The following TRAPPC9 variants were observed in gnomAD, a reference collection of about 807,000 sequenced individuals.
TRAPPC9 encodes IKK2 binding protein.
TRAPPC9 carries 83 observed loss-of-function variants against 124.0 expected under a neutral mutation model. The observed-to-expected ratio is 0.67, with a 90% CI of 0.56 to 0.80. The LOEUF is 0.80. TRAPPC9 is among the 30% of genes least tolerant of loss of function. The pLI, the probability that TRAPPC9 is intolerant of heterozygous loss-of-function variation, is 0.00. For synonymous variants in TRAPPC9, 638 were observed against 617.5 expected (o/e 1.03, Z -0.49); for missense variants, 1,302 against 1,508.3 (o/e 0.86, Z 2.27).
At chr8:140,042,205 A>ATGTG (rs57584807) in intron 17 of TRAPPC9, among the ~76,000 whole-genome samples, 303 of 149,612 alleles carry the variant, frequency 2.0e-3, no homozygotes, top group South Asian at 8.1e-3. Flanking sequence ...AAAAAAGTGT[A>ATGTG]TGTGTGTGTG....
At chr8:139,781,160 G>A (rs768085065) in intron 21 of TRAPPC9, among the ~76,000 whole-genome samples, 3 of 152,100 alleles carry the variant, frequency 2.0e-5, no homozygotes, top group African/African-American at 7.2e-5. Flanking sequence ...ACACTTCTCG[G>A]TATTTACCCA....
intron 19 of TRAPPC9, among the ~76,000 whole-genome samples, chr8:139,950,837 T>A (rs1462626268): frequency 6.6e-6 from 1 of 152,166 alleles, no homozygotes; most frequent in East Asian, 1.9e-4. Context: ...AACCAGTAAG[T>A]GAACACCAGC....
intron 19 of TRAPPC9, among the ~76,000 whole-genome samples, chr8:139,978,101 C>T (rs763344418): frequency 3.3e-5 from 5 of 152,186 alleles, no homozygotes; most frequent in Non-Finnish European, 5.9e-5. Flanking sequence ...TGGTCTCGAA[C>T]TCCTGGCTTC....
intron 21 of TRAPPC9, among the ~76,000 whole-genome samples, chr8:139,844,420 G>GATGAGGCTTT (rs1016386349): frequency 2.0e-4 from 31 of 152,350 alleles, no homozygotes; most frequent in Middle Eastern, 3.4e-3. Context: ...GAGAGAGAAG[G>GATGAGGCTTT]ATGAGGCTTT....
chr8:140,186,194 A>G (rs1266216191), intron 17 of TRAPPC9, among the ~76,000 whole-genome samples: 2 of 152,262 alleles, frequency 1.3e-5, no homozygotes, highest in Non-Finnish European at 2.9e-5. Flanking sequence ...AAAGAACCCC[A>G]TTAAAGAATT....
intron 9 of TRAPPC9, among the ~76,000 whole-genome samples, chr8:140,343,592 G>A (rs2067255995): frequency 6.6e-6 from 1 of 152,216 alleles, no homozygotes; most frequent in Non-Finnish European, 1.5e-5. Flanking sequence ...GGAGGGGAAA[G>A]AAGGGAGGCT....
At chr8:140,061,949 C>T (rs901149120) in intron 17 of TRAPPC9, among the ~76,000 whole-genome samples, 3 of 152,208 alleles carry the variant, frequency 2.0e-5, no homozygotes, top group South Asian at 2.1e-4. Context: ...CCACCTCCCA[C>T]GCATCTCCAC....
At chr8:139,903,130 G>C (rs1831125258) in intron 20 of TRAPPC9, among the ~76,000 whole-genome samples, 1 of 152,148 alleles carries the variant, frequency 6.6e-6, no homozygotes, top group African/African-American at 2.4e-5. Context: ...AAGGCCCCCT[G>C]TACTGAGATC....
chr8:140,167,995 T>C (rs897008450), intron 17 of TRAPPC9, among the ~76,000 whole-genome samples: 5 of 152,204 alleles, frequency 3.3e-5, no homozygotes, highest in Non-Finnish European at 5.9e-5. Flanking sequence ...GCAGCAACTG[T>C]ATGAAATGTG....
At chr8:140,092,667 G>C (rs1049705774) in intron 17 of TRAPPC9, among the ~76,000 whole-genome samples, 1 of 152,116 alleles carries the variant, frequency 6.6e-6, no homozygotes, top group Non-Finnish European at 1.5e-5. Flanking sequence ...ACCCCAATAA[G>C]ACCAAAAGTT....
rs1011689049 is a variant in TRAPPC9, at chr8:140,359,985, C to T, written c.1495+65G>A. On this transcript the variant is annotated intron_variant, in intron 9 of 22. Transcript: ENST00000438773. The stretch of plus-strand genomic sequence containing the variant: ...ACCCAAGCCCAGGGTTTACATGAAC[C>T]AGCATCTAAAGTGCTCTCATTCACA... 12 of 1,607,678 alleles carry T rather than the reference C, an allele frequency of 7.5e-6. No homozygotes were observed. The Admixed American group carries it at 1.8e-4, about 25-fold the overall frequency.
chr8:139,924,286 C>T (rs1356851929), intron 19 of TRAPPC9, among the ~76,000 whole-genome samples: 1 of 152,230 alleles, frequency 6.6e-6, no homozygotes, highest in Non-Finnish European at 1.5e-5. Flanking sequence ...GCGCTGGGCA[C>T]AGAGCATGCA....
intron 21 of TRAPPC9, among the ~76,000 whole-genome samples, chr8:139,809,514 G>A (rs1304644101): frequency 6.6e-6 from 1 of 152,188 alleles, no homozygotes; most frequent in Non-Finnish European, 1.5e-5. Context: ...GAAGCAGGGG[G>A]CCTGGGCAAT....
At chr8:140,219,301 AT>A (rs1006659556) in intron 17 of TRAPPC9, among the ~76,000 whole-genome samples, 2 of 152,196 alleles carry the variant, frequency 1.3e-5, no homozygotes, top group Non-Finnish European at 2.9e-5. Flanking sequence ...TTGCCCCAGA[AT>A]CACACAGACC....
intron 17 of TRAPPC9, among the ~76,000 whole-genome samples, chr8:140,092,207 T>G (rs1367437717): frequency 6.6e-6 from 1 of 150,528 alleles, no homozygotes; most frequent in African/African-American, 2.4e-5. Context: ...TTTTTCTTTT[T>G]TTTTTTTTTT....
At position 140,060,999 on chromosome 8, in the gene TRAPPC9, A is replaced by G. The variant is rs563588558; in HGVS notation, c.2557-36920T>C. Among the ~76,000 whole-genome samples, 11 of 152,352 alleles carry G rather than the reference A, an allele frequency of 7.2e-5. 1 individual carries two copies. In the South Asian group the frequency reaches 2.3e-3, roughly 32 times the overall value. On this transcript the variant is annotated intron_variant, in intron 17 of 22. Coordinates refer to ENST00000438773, the MANE Select transcript of TRAPPC9 (RefSeq NM_001160372.4). ...TTACAGGTCAGCATTTCCCAGTCACACTGTCACAGTCTGGAGAGACTGTAA... is the reference window on the plus strand; with the variant it reads ...TTACAGGTCAGCATTTCCCAGTCACGCTGTCACAGTCTGGAGAGACTGTAA...
chr8:140,292,365 G>C (rs944229210), intron 11 of TRAPPC9, among the ~76,000 whole-genome samples: 1 of 152,186 alleles, frequency 6.6e-6, no homozygotes, highest in African/African-American at 2.4e-5. Flanking sequence ...GCAAGCGAGA[G>C]GAGCTGCTGG....
chr8:140,054,689 A>G (rs939159167), intron 17 of TRAPPC9, among the ~76,000 whole-genome samples: 1 of 152,186 alleles, frequency 6.6e-6, no homozygotes. Context: ...CAAATAAATA[A>G]TATCAGAAAT....
At chr8:140,276,990 C>A (rs935270049) in intron 14 of TRAPPC9, among the ~76,000 whole-genome samples, 1 of 152,108 alleles carries the variant, frequency 6.6e-6, no homozygotes, top group Non-Finnish European at 1.5e-5. Context: ...TGTGGACCAC[C>A]CCACTCCAGA....
Sources: allele counts gnomAD v4.1 joint callset (sites outside exome capture counted in the v4.1 genomes callset), GRCh38; gene constraint gnomAD v4.1.1; transcripts MANE v1.5; gene names NCBI Gene and HGNC (gene_info 2026-07-23, HGNC 2026-07-21).